The following LRRC20 variants were observed in gnomAD, a reference collection of about 807,000 sequenced individuals.
LRRC20 encodes leucine-rich repeat-containing protein 20.
Under a neutral mutation model 14.4 loss-of-function variants are expected in LRRC20, and 11 were observed. The ratio of observed to expected loss-of-function variants is 0.77; its 90% CI spans 0.48 to 1.27. The LOEUF (loss-of-function observed/expected upper bound fraction) is 1.27. Among genes scored for constraint, LRRC20 ranks in the 50% most tolerant of loss-of-function variants. The pLI is 0.00. For synonymous variants in LRRC20, 121 were observed against 107.3 expected (o/e 1.13, Z -0.79); for missense variants, 219 against 251.2 (o/e 0.87, Z 0.87).
intron 4 of LRRC20, 47 bp downstream of exon 4, chr10:70,323,816 A>G (rs753047673): frequency 6.2e-7 from 1 of 1,603,572 alleles, no homozygotes; most frequent in Non-Finnish European, 8.5e-7. Flanking sequence ...GTGGCCCATG[A>G]GCGCCTCGTG....
In LRRC20 at chr10:70,300,230, C is replaced by A; in HGVS notation, c.*1124G>T. 2 of 412,118 alleles carry A rather than the reference C, an allele frequency of 4.9e-6. No individual in the cohort carries two copies. Among genetic ancestry groups the A allele is most frequent in the Non-Finnish European group, 6.5e-6 (2 of 305,814 alleles). The allele number at this position is 412,118 out of a possible 1,614,324, so 25.5% of individuals were successfully genotyped here. A position where few individuals can be genotyped will look rare whatever the true frequency, so the allele number is the denominator to read the frequency against. On this transcript the variant is annotated 3_prime_UTR_variant, in exon 5 of 5. Coordinates refer to ENST00000446961, the MANE Select transcript of LRRC20 (RefSeq NM_001278212.2). Reference sequence around the variant, plus strand: ...CACAGGCGTTCTCGGGAAGCAAGAGCCCCAGGCCCTCTCCTGGTAGGGGAC... The same window carrying A: ...CACAGGCGTTCTCGGGAAGCAAGAGACCCAGGCCCTCTCCTGGTAGGGGAC...
intron 2 of LRRC20, among the ~76,000 whole-genome samples, chr10:70,364,852 T>C (rs892985695): frequency 2.6e-5 from 4 of 152,110 alleles, no homozygotes; most frequent in African/African-American, 9.7e-5. Context: ...ATCACATCCA[T>C]GTCCGTATTT....
rs529412069 is a variant in LRRC20, at chr10:70,340,618, G to T, written c.167C>A (p.Thr56Asn). ...RNVSGQIHLITLANNELKSLT... is the reference protein window; with the variant it reads ...RNVSGQIHLINLANNELKSLT... ...GGACTTAAGCTCGTTGTTAGCCAGG[G>T]TGATGAGGTGGATCTGGCCAGAGAC... The change falls in exon 3 of 5, where the codon ACC becomes AAC. Residue 56 changes from threonine to asparagine, a missense_variant. By Grantham distance (65) the Thr-to-Asn change is moderately conservative (BLOSUM62 0). Transcript: ENST00000446961. 14 of 1,614,074 alleles carry T rather than the reference G, an allele frequency of 8.7e-6. No individual in the cohort carries two copies. In the African/African-American group the frequency reaches 1.3e-4, roughly 15 times the overall value.
Position 70,341,208 on chromosome 10 carries a change from T to C in LRRC20, c.83-506A>G, listed in dbSNP as rs551964142. 2.0e-5 allele frequency among the ~76,000 whole-genome samples: 3 copies of C among 152,260 alleles called. No individual in the cohort carries two copies. The South Asian group carries it at 6.2e-4, about 31-fold the overall frequency. ...GTACAAGCAGCAGTTGGGAAGCCAC[T>C]GTGCAGAACAGTCAGGCACTTCCTC... On this transcript the variant is annotated intron_variant, in intron 2 of 4. Coordinates refer to ENST00000446961, the MANE Select transcript of LRRC20 (RefSeq NM_001278212.2).
intron 2 of LRRC20, among the ~76,000 whole-genome samples, chr10:70,341,128 A>C (rs1457460586): frequency 2.0e-5 from 3 of 152,176 alleles, no homozygotes. Context: ...GGCAATTCAC[A>C]CAGACTTTAT....
chr10:70,301,267 G>C lies in LRRC20; in HGVS notation c.*87C>G. ...TCGGCCCACCCGCCCCCAGCCCCCAGGCTTGGCCTCCCATGGGCCTCCCTC... is the reference window on the plus strand; with the variant it reads ...TCGGCCCACCCGCCCCCAGCCCCCACGCTTGGCCTCCCATGGGCCTCCCTC... On this transcript the variant is annotated 3_prime_UTR_variant, in exon 5 of 5. Transcript: ENST00000446961. 6.0e-5 allele frequency: 88 copies of C among 1,457,886 alleles called. No homozygotes were observed. The highest frequency in any genetic ancestry group is 1.3e-4 in the East Asian group (5 of 38,268). The allele number at this position is 1,457,886 out of a possible 1,614,324, so 90.3% of individuals were successfully genotyped here.
rs1366912130 is a variant in LRRC20 at position 70,299,423 on chromosome 10, G to A, written c.*1931C>T. The stretch of plus-strand genomic sequence containing the variant: ...GAGGACATCCCCAGCCTAGGTCCTT[G>A]CTTCTCAAACTCTAAAGTGCTTATA... On this transcript the variant is annotated 3_prime_UTR_variant, in exon 5 of 5. Coordinates refer to ENST00000446961, the MANE Select transcript of LRRC20 (RefSeq NM_001278212.2). The A allele has an allele frequency of 6.6e-6, 1 of 152,238 alleles. No individual in the cohort carries two copies. The highest frequency in any genetic ancestry group is 1.9e-4 in the East Asian group (1 of 5,182). The allele number at this position is 152,238 out of a possible 1,614,324, so 9.4% of individuals were successfully genotyped here.
chr10:70,366,041 G>A (rs1276062268), intron 2 of LRRC20, among the ~76,000 whole-genome samples: 1 of 147,326 alleles, frequency 6.8e-6, no homozygotes, highest in Non-Finnish European at 1.5e-5. Context: ...CTGCACTCCA[G>A]CCTGGGTGAC....
At chr10:70,363,239 G>A (rs1843820315) in intron 2 of LRRC20, among the ~76,000 whole-genome samples, 1 of 151,544 alleles carries the variant, frequency 6.6e-6, no homozygotes, top group South Asian at 2.1e-4. Flanking sequence ...CTGGGCAAAG[G>A]GAGGGAAGGG....
At chr10:70,368,505 G>A (rs1844123658) in intron 2 of LRRC20, among the ~76,000 whole-genome samples, 1 of 151,998 alleles carries the variant, frequency 6.6e-6, no homozygotes, top group African/African-American at 2.4e-5. Flanking sequence ...GGCCAGGCTG[G>A]TGTTGAACTC....
At chr10:70,352,071 G>A (rs1486137874) in intron 2 of LRRC20, among the ~76,000 whole-genome samples, 1 of 152,006 alleles carries the variant, frequency 6.6e-6, no homozygotes, top group East Asian at 1.9e-4. Context: ...TATGTTAAAT[G>A]TTGCCCTTTG....
At chr10:70,346,415 T>C (rs981361454) in intron 2 of LRRC20, among the ~76,000 whole-genome samples, 6 of 152,268 alleles carry the variant, frequency 3.9e-5, no homozygotes, top group Middle Eastern at 3.4e-3. Context: ...CTATCTCTAA[T>C]AAAATAAAGT....
chr10:70,331,387 T>G (rs138699408), intron 3 of LRRC20, among the ~76,000 whole-genome samples: 13 of 152,372 alleles, frequency 8.5e-5, no homozygotes, highest in Non-Finnish European at 1.6e-4. Context: ...GGCTTTCTTT[T>G]TATCTCTTAT....
rs543512004 is a variant in LRRC20 at position 70,309,512 on chromosome 10, G to A, written c.401-8004C>T. On this transcript the variant is annotated intron_variant, in intron 4 of 4. Transcript: ENST00000446961. ...TCCTTGCACTGGCCCCCGGCCCCCA[G>A]AAGATAACAATGACAGGCAAGTTTC... 3.9e-5 allele frequency among the ~76,000 whole-genome samples: 6 copies of A among 152,342 alleles called. No individual in the cohort carries two copies. The South Asian group carries it at 1.2e-3, about 32-fold the overall frequency.
At chr10:70,312,080 G>T (rs1292618134) in intron 4 of LRRC20, among the ~76,000 whole-genome samples, 2 of 152,202 alleles carry the variant, frequency 1.3e-5, no homozygotes, top group African/African-American at 4.8e-5. Context: ...AGAAGGAGGG[G>T]TCAGGACCTG....
chr10:70,324,390 G>A (rs753643383), intron 3 of LRRC20, among the ~76,000 whole-genome samples: 30 of 152,188 alleles, frequency 2.0e-4, no homozygotes, highest in Non-Finnish European at 4.0e-4. Flanking sequence ...GTCAGGATGG[G>A]CGGCCTCTCC....
chr10:70,317,793 T>C (rs1207593348), intron 4 of LRRC20, among the ~76,000 whole-genome samples: 1 of 152,222 alleles, frequency 6.6e-6, no homozygotes, highest in Non-Finnish European at 1.5e-5. Flanking sequence ...GAGGAAGTTC[T>C]GAGGGCAGCT....
chr10:70,332,083 G>C (rs1248883383), intron 3 of LRRC20, among the ~76,000 whole-genome samples: 1 of 152,186 alleles, frequency 6.6e-6, no homozygotes, highest in Non-Finnish European at 1.5e-5. Context: ...CTCTGAACCT[G>C]CGGCAATGAG....
chr10:70,362,387 T>C (rs1342636786), intron 2 of LRRC20, among the ~76,000 whole-genome samples: 1 of 152,234 alleles, frequency 6.6e-6, no homozygotes, highest in African/African-American at 2.4e-5. Flanking sequence ...TCAGAGAATT[T>C]TGCAAGTGTC....
Sources: gnomAD v4.1 joint callset for allele counts (sites outside exome capture counted in the v4.1 genomes callset) on GRCh38, gnomAD v4.1.1 for gene constraint, MANE v1.5 for transcripts, NCBI Gene and HGNC (gene_info 2026-07-23, HGNC 2026-07-21) for gene names.